The following PLCH2 variants were observed in gnomAD, a reference collection of about 807,000 sequenced individuals.
PLCH2 encodes phospholipase C eta 2.
A neutral mutation model predicts 134.7 loss-of-function variants in PLCH2; 98 were observed. The observed-to-expected ratio is 0.73, with a 90% CI of 0.62 to 0.86. The LOEUF is 0.86. Among genes scored for constraint, PLCH2 ranks in the 40% least tolerant of loss-of-function variants. The probability of loss-of-function intolerance (pLI) is 0.00; values close to 1 mark genes in which losing one functional copy is unlikely to be tolerated. For missense variants in PLCH2, 1,994 were observed against 1,986.6 expected, an observed-to-expected ratio of 1.00 and a Z score of -0.07; for synonymous variants, 974 against 827.5, an observed-to-expected ratio of 1.18 and a Z score of -3.04.
At chr1:2,502,771 C>T (rs750200062) in intron 21 of PLCH2, 2 of 716,714 alleles carry the variant, frequency 2.8e-6, no homozygotes, top group South Asian at 1.5e-5. Context: ...GCAGCCCAGA[C>T]AGCCCGGGCA....
intron 2 of PLCH2, among the ~76,000 whole-genome samples, chr1:2,441,488 C>T (rs1030159976): frequency 9.2e-5 from 14 of 152,166 alleles, no homozygotes; most frequent in African/African-American, 3.4e-4. Flanking sequence ...TCCTCCTGCA[C>T]GTTTCTGAGC....
At chr1:2,430,888 G>A (rs952660264) in intron 2 of PLCH2, among the ~76,000 whole-genome samples, 1 of 152,228 alleles carries the variant, frequency 6.6e-6, no homozygotes, top group Non-Finnish European at 1.5e-5. Context: ...GAGAGGGGGT[G>A]GGTTCATTCT....
chr1:2,480,373 T>A (rs1641898446), intron 4 of PLCH2, 61 bp downstream of exon 4: 4 of 1,566,144 alleles, frequency 2.6e-6, no homozygotes. Context: ...GCTGTGCTTG[T>A]GTGGCTGGGA....
chr1:2,453,097 A>G (rs1000480384), intron 2 of PLCH2, among the ~76,000 whole-genome samples: 4 of 150,640 alleles, frequency 2.7e-5, no homozygotes, highest in African/African-American at 9.8e-5. Context: ...ACTCCTCACC[A>G]CCTCCACCCA....
At chr1:2,495,976 C>T (rs1051932698) in intron 13 of PLCH2, among the ~76,000 whole-genome samples, 16 of 152,298 alleles carry the variant, frequency 1.1e-4, no homozygotes, top group Admixed American at 8.5e-4. Context: ...CGGAGGCCTT[C>T]CTCAGCACTG....
At chr1:2,490,477 G>T (rs766642974) in intron 10 of PLCH2, among the ~76,000 whole-genome samples, 2 of 152,252 alleles carry the variant, frequency 1.3e-5, no homozygotes, top group Middle Eastern at 3.4e-3. Context: ...TGTTGGGCTC[G>T]GGGGCGCCGA....
chr1:2,450,529 C>A, intron 2 of PLCH2, among the ~76,000 whole-genome samples: 1 of 142,630 alleles, frequency 7.0e-6, no homozygotes, highest in African/African-American at 2.6e-5. Flanking sequence ...TGCCTGGCCC[C>A]ACTCCCCGCT....
chr1:2,464,119 A>G (rs1222763949), upstream of PLCH2, among the ~76,000 whole-genome samples: 1 of 152,204 alleles, frequency 6.6e-6, no homozygotes, highest in Non-Finnish European at 1.5e-5. Flanking sequence ...CCCTGGCGGC[A>G]CAGGGTGCTG....
rs1641612593 is a variant in PLCH2, at chr1:2,476,298, T to A, written c.-291T>A. On this transcript the variant is annotated 5_prime_UTR_variant, in exon 1 of 22. Transcript: ENST00000378486. ...GCTGGGCGGGGCTGAGGTCCTTTGC[T>A]CCCCCAGCCTTGGGAGGCGGCTGCG... is the stretch of plus-strand genomic sequence containing the variant. 1 of 337,346 alleles carries A rather than the reference T, an allele frequency of 3.0e-6. No homozygotes were observed. The allele number at this position is 337,346 out of a possible 1,614,324, so 20.9% of individuals were successfully genotyped here. A position where few individuals can be genotyped will look rare whatever the true frequency, so the allele number is the denominator to read the frequency against.
chr1:2,487,783 C>T, intron 8 of PLCH2, 65 bp downstream of exon 8: 1 of 1,471,228 alleles, frequency 6.8e-7, no homozygotes, highest in Non-Finnish European at 9.3e-7. Context: ...CAGGCTCTAG[C>T]TCTTCCTGCC....
At chr1:2,427,385 C>G (rs1638851364) in intron 1 of PLCH2, among the ~76,000 whole-genome samples, 1 of 152,186 alleles carries the variant, frequency 6.6e-6, no homozygotes, top group Non-Finnish European at 1.5e-5. Context: ...TCAGCCGCCC[C>G]TGCTGGTGGT....
rs1415627814 is a variant in PLCH2, at chr1:2,495,343, C to T, written c.1753-145C>T. The stretch of plus-strand genomic sequence containing the variant: ...CGAGAGGGCACCGAGGAGGCTTTGG[C>T]AGGCCCAGCCAGGCGGGATGGACAT... On this transcript the variant is annotated intron_variant, in intron 12 of 21. Coordinates refer to ENST00000378486, the MANE Select transcript of PLCH2 (RefSeq NM_014638.4). The T allele has an allele frequency of 9.1e-6, 6 of 662,184 alleles. No homozygotes were observed. In the African/African-American group the frequency reaches 1.1e-4, roughly 12 times the overall value. 41.0% of individuals were successfully genotyped at this position (662,184 alleles called of 1,614,324 possible). A position where few individuals can be genotyped will look rare whatever the true frequency, so the allele number is the denominator to read the frequency against.
At position 2,444,072 on chromosome 1, in the gene PLCH2, G is replaced by C. The variant is rs975062821; in HGVS notation, c.115+13443G>C. 2.6e-5 allele frequency among the ~76,000 whole-genome samples: 4 copies of C among 152,216 alleles called. No homozygotes were observed. The highest frequency in any genetic ancestry group is 5.9e-5 in the Non-Finnish European group (4 of 68,034). On this transcript the variant is annotated intron_variant, in intron 2 of 3. Transcript: ENST00000609981. This position sits in a 1 kb window ranked among gnomAD's most constrained non-coding sequence, Gnocchi z 4.6. ...GGTGCGGGTCGGGGCTGAGCCGCCT[G>C]GGCTTCAGACTCGGGAGCGGAGGCT...
upstream of PLCH2, among the ~76,000 whole-genome samples, chr1:2,421,835 G>A (rs548362302): frequency 2.8e-4 from 43 of 151,730 alleles, no homozygotes; most frequent in South Asian, 2.3e-3. Flanking sequence ...TTAGCTGGGC[G>A]TGGTGGCGCA....
In PLCH2 at chr1:2,498,188, A is replaced by C. The variant is rs1643000858; in HGVS notation, c.2225-335A>C. 1 of 335,748 alleles carries C rather than the reference A, an allele frequency of 3.0e-6. No individual in the cohort carries two copies. The highest frequency in any genetic ancestry group is 4.5e-5 in the Admixed American group (1 of 22,066). 20.8% of individuals were successfully genotyped at this position (335,748 alleles called of 1,614,324 possible). On this transcript the variant is annotated intron_variant, in intron 16 of 21. Transcript: ENST00000378486. This position sits in a 1 kb window ranked among gnomAD's most constrained non-coding sequence, Gnocchi z 5.4. ...TTGGCTTGCCCTCCTCAGAGTTCTC[A>C]GCCTGAGTGGGCCCTGGGGACACTG...
Position 2,489,787 on chromosome 1 carries a change from G to C in PLCH2, c.1435G>C (p.Glu479Gln), listed in dbSNP as rs1376074481. 1.9e-6 allele frequency: 3 copies of C among 1,613,540 alleles called. No individual in the cohort carries two copies. The highest frequency in any genetic ancestry group is 1.6e-4 in the Middle Eastern group (1 of 6,084). ...KGKKLPANIS[E>Q]DAEEGEVSDE... ...GAAGAAGCTCCCAGCCAACATCAGC[G>C]AGGATGCGGAGGAAGGCGAGGTGTC... The change falls in exon 10 of 22, where the codon GAG (glutamate) becomes CAG (glutamine). Residue 479 changes from glutamate (E) to glutamine (Q), a missense_variant. By Grantham distance (29) the Glu-to-Gln change is conservative. This residue lies in a region of PLCH2 where 1,094 missense variants were observed against 1,234.3 expected (regional missense o/e 0.89). Transcript: ENST00000378486.
intron 13 of PLCH2, among the ~76,000 whole-genome samples, chr1:2,495,829 G>A (rs1374956094): frequency 1.3e-5 from 2 of 152,068 alleles, no homozygotes; most frequent in Non-Finnish European, 2.9e-5. Context: ...CCGGGCTGTC[G>A]GCTCTCGGTC....
chr1:2,444,173 G>C lies in PLCH2; in HGVS notation c.115+13544G>C, dbSNP rs1361329031. 6.6e-6 allele frequency among the ~76,000 whole-genome samples: 1 copy of C among 152,208 alleles called. No homozygotes were observed. Among genetic ancestry groups the C allele is most frequent in the Non-Finnish European group, 1.5e-5 (1 of 68,022 alleles). ...CGGGCGGAGCGGTCTTGAGCTCTCC[G>C]GATGGCCTCAGGTGCGGGGTGAGGG... is the stretch of plus-strand genomic sequence containing the variant. On this transcript the variant is annotated intron_variant, in intron 2 of 3. Coordinates refer to the PLCH2 transcript ENST00000609981. The surrounding 1 kb of genome is among the most constrained non-coding windows in gnomAD (Gnocchi z 4.6).
chr1:2,486,468 G>A (rs1343077801), intron 5 of PLCH2, among the ~76,000 whole-genome samples: 1 of 152,236 alleles, frequency 6.6e-6, no homozygotes, highest in Non-Finnish European at 1.5e-5. Flanking sequence ...GGGCCGGACT[G>A]TGGTGCTCAG....
Sources: allele counts gnomAD v4.1 joint callset (sites outside exome capture counted in the v4.1 genomes callset), GRCh38; gene constraint gnomAD v4.1.1; regional missense constraint gnomAD v4.1.1; non-coding constraint Gnocchi (gnomAD v3.1); transcripts MANE v1.5; gene names NCBI Gene and HGNC (gene_info 2026-07-23, HGNC 2026-07-21).